The following ZMYM2 variants were observed in gnomAD, a reference collection of about 807,000 sequenced individuals.
ZMYM2 encodes the protein zinc finger MYM-type protein 2.
A neutral mutation model predicts 162.8 loss-of-function variants in ZMYM2; 56 were observed. The ratio of observed to expected loss-of-function variants is 0.34; its 90% CI spans 0.28 to 0.43. The LOEUF is 0.43. Among genes scored for constraint, ZMYM2 ranks in the 20% least tolerant of loss-of-function variants. The pLI, the probability that ZMYM2 is intolerant of heterozygous loss-of-function variation, is 1.00. For missense variants in ZMYM2, 1,275 were observed against 1,621.8 expected (o/e 0.79, Z 3.67); for synonymous variants, 510 against 541.6 (o/e 0.94, Z 0.81).
chr13:19,872,066 T>C, the ZMYM2 span, among the ~76,000 whole-genome samples: 2 of 151,856 alleles, frequency 1.3e-5, no homozygotes, highest in Admixed American at 6.6e-5. Flanking sequence ...ACCTCCTGGG[T>C]TCAGGTGATC....
At chr13:20,078,517 T>C (rs999711874) in intron 21 of ZMYM2, among the ~76,000 whole-genome samples, 6 of 152,238 alleles carry the variant, frequency 3.9e-5, no homozygotes, top group Non-Finnish European at 7.3e-5. Context: ...TCTGAACATA[T>C]CTAAAATACA....
chr13:19,944,212 C>A, the ZMYM2 span, among the ~76,000 whole-genome samples: 74 of 152,162 alleles, frequency 4.9e-4, 1 homozygote, highest in African/African-American at 1.7e-3. Context: ...AACATTACCC[C>A]TTGCTCAGGA....
chr13:20,082,156 T>C (rs1388726801), intron 22 of ZMYM2, 26 bp downstream of exon 22: 1 of 1,483,110 alleles, frequency 6.7e-7, no homozygotes, highest in Non-Finnish European at 9.3e-7. Context: ...CTAAAGGTGT[T>C]GCTCTCTTGA....
At chr13:19,985,052 T>G (rs1447907620) in intron 2 of ZMYM2, among the ~76,000 whole-genome samples, 1 of 152,240 alleles carries the variant, frequency 6.6e-6, no homozygotes, top group East Asian at 1.9e-4. Flanking sequence ...ATCTCATTTC[T>G]GTGAAAATCA....
At chr13:19,895,275 A>G in the ZMYM2 span, among the ~76,000 whole-genome samples, 1 of 151,852 alleles carries the variant, frequency 6.6e-6, no homozygotes, top group African/African-American at 2.4e-5. Flanking sequence ...AAATAAAATT[A>G]CCATATCATC....
At chr13:19,883,318 A>G in the ZMYM2 span, among the ~76,000 whole-genome samples, 1 of 152,222 alleles carries the variant, frequency 6.6e-6, no homozygotes, top group Non-Finnish European at 1.5e-5. Flanking sequence ...TTATAACTTG[A>G]TAAAGGTGGT....
intron 7 of ZMYM2, chr13:20,024,652 T>C: frequency 4.5e-6 from 1 of 222,148 alleles, no homozygotes; most frequent in East Asian, 6.6e-5. Flanking sequence ...TTTTTGTCCC[T>C]TTTCCAGTAT....
At chr13:19,990,574 T>C (rs970882321) in intron 2 of ZMYM2, among the ~76,000 whole-genome samples, 3 of 152,246 alleles carry the variant, frequency 2.0e-5, no homozygotes, top group Non-Finnish European at 4.4e-5. Flanking sequence ...TTTAAAAGTT[T>C]TTAAATTTAG....
At chr13:19,884,835 A>T in the ZMYM2 span, among the ~76,000 whole-genome samples, 1 of 152,052 alleles carries the variant, frequency 6.6e-6, no homozygotes, top group Admixed American at 6.6e-5. Flanking sequence ...CCAGCAGTAA[A>T]AGAAAACCTG....
intron 2 of ZMYM2, among the ~76,000 whole-genome samples, chr13:19,966,803 A>T (rs911481394): frequency 6.6e-6 from 1 of 152,184 alleles, no homozygotes; most frequent in African/African-American, 2.4e-5. Flanking sequence ...GAAAATCATG[A>T]TTATAAAATT....
intron 2 of ZMYM2, among the ~76,000 whole-genome samples, chr13:19,967,496 G>A: frequency 6.6e-6 from 1 of 152,196 alleles, no homozygotes; most frequent in East Asian, 1.9e-4. Context: ...GGGTGATAGA[G>A]TGTTATATAA....
chr13:20,058,555 TTC>T lies in ZMYM2; in HGVS notation c.2494-16_2494-15del, dbSNP rs1395498677. 6.3e-7 allele frequency: 1 copy of T among 1,598,452 alleles called. No homozygotes were observed. Among genetic ancestry groups the T allele is most frequent in the East Asian group, 2.2e-5 (1 of 44,746 alleles). On this transcript the variant is annotated intron_variant, in intron 14 of 24. Transcript: ENST00000610343. Reference sequence around the variant, plus strand: ...AAATTAGACATAAAAATAAAAATGTTTCTCTTTGCTTCTCCATAGGGTTCAGC... The same window carrying T: ...AAATTAGACATAAAAATAAAAATGTTTCTTTGCTTCTCCATAGGGTTCAGC...
chr13:20,041,650 C>T (rs901478198), intron 12 of ZMYM2, among the ~76,000 whole-genome samples: 2 of 152,120 alleles, frequency 1.3e-5, no homozygotes, highest in South Asian at 4.2e-4. Flanking sequence ...TGTCACTTGT[C>T]TGTGTACTTA....
In ZMYM2 at chr13:20,031,362, C is replaced by T; in HGVS notation, c.1895C>T (p.Pro632Leu). 6.2e-7 allele frequency: 1 copy of T among 1,608,528 alleles called. No homozygotes were observed. The highest frequency in any genetic ancestry group is 8.5e-7 in the Non-Finnish European group (1 of 1,178,620). Residue 632 changes from proline (P) to leucine (L), a missense_variant, in exon 10 of 25, where the codon CCA becomes CTA. Coordinates refer to ENST00000610343, the MANE Select transcript of ZMYM2 (RefSeq NM_197968.4). ...QSSPNGQFVA[P>L]SDIQLKCNYC... ...TCTCCAAATGGCCAGTTTGTAGCGC[C>T]AAGTGATATTCAGTTGAAATGCAAC...
At chr13:19,956,048 T>G (rs897480218), upstream of ZMYM2, among the ~76,000 whole-genome samples, 1 of 152,234 alleles carries the variant, frequency 6.6e-6, no homozygotes, top group African/African-American at 2.4e-5. Flanking sequence ...TTCAGAGGTT[T>G]TTAGCACATT....
At chr13:19,974,244 C>T (rs1027528989) in intron 2 of ZMYM2, among the ~76,000 whole-genome samples, 1 of 152,134 alleles carries the variant, frequency 6.6e-6, no homozygotes, top group Non-Finnish European at 1.5e-5. Flanking sequence ...GGGCGTTTAT[C>T]GAGAGATACT....
chr13:20,007,997 A>G (rs988074709), intron 6 of ZMYM2, among the ~76,000 whole-genome samples: 17 of 152,186 alleles, frequency 1.1e-4, no homozygotes, highest in Admixed American at 5.9e-4. Flanking sequence ...TCAATTACTC[A>G]CAGTCAGCTG....
intron 1 of ZMYM2, among the ~76,000 whole-genome samples, chr13:19,959,680 T>C (rs1954961891): frequency 1.3e-5 from 2 of 151,984 alleles, no homozygotes; most frequent in Non-Finnish European, 2.9e-5. Flanking sequence ...CGTTTTCCCT[T>C]CCCCCCTCCC....
At chr13:19,904,649 C>T in the ZMYM2 span, among the ~76,000 whole-genome samples, 1 of 152,160 alleles carries the variant, frequency 6.6e-6, no homozygotes, top group Non-Finnish European at 1.5e-5. Flanking sequence ...AATTACCTGT[C>T]ATTCAACTAA....
Sources: allele counts gnomAD v4.1 joint callset (sites outside exome capture counted in the v4.1 genomes callset), GRCh38; gene constraint gnomAD v4.1.1; transcripts MANE v1.5; gene names NCBI Gene and HGNC (gene_info 2026-07-23, HGNC 2026-07-21).